The following MTAP variants were observed in gnomAD, a reference collection of about 807,000 sequenced individuals.
MTAP encodes the protein S-methyl-5'-thioadenosine phosphorylase.
MTAP carries 33 observed loss-of-function variants against 33.6 expected under a neutral mutation model. The observed-to-expected ratio is 0.98, with a 90% CI of 0.74 to 1.31. The LOEUF (loss-of-function observed/expected upper bound fraction) is 1.31, where lower values mean the gene tolerates loss of function less well. MTAP is among the 40% of genes most tolerant of loss of function. The probability of loss-of-function intolerance (pLI) is 0.00; values close to 1 mark genes in which losing one functional copy is unlikely to be tolerated. For synonymous variants in MTAP, 148 were observed against 125.7 expected, an observed-to-expected ratio of 1.18 and a Z score of -1.19; for missense variants, 367 against 360.0, an observed-to-expected ratio of 1.02 and a Z score of -0.16.
chr9:21,899,004 C>G (rs901428933), intron 1 of MTAP, among the ~76,000 whole-genome samples: 1 of 151,920 alleles, frequency 6.6e-6, no homozygotes, highest in Non-Finnish European at 1.5e-5. Context: ...CAACAATAGA[C>G]CTGATAAAGA....
At position 21,877,504 on chromosome 9, in the gene MTAP, C is replaced by T. The variant is rs7027527; in HGVS notation, c.147+22634C>T. Among the ~76,000 whole-genome samples the T allele has an allele frequency of 3.7e-3, 563 of 152,078 alleles. 4 individuals carry two copies. The highest frequency in any genetic ancestry group is 0.013 in the African/African-American group (536 of 41,492). ...ATATTGGCTTTGGATTTGTCATAGA[C>T]GGCTCTTATTATTTTGAGGTATGTT... On this transcript the variant is annotated intron_variant, in intron 1 of 1. Transcript: ENST00000577563.
intron 1 of MTAP, among the ~76,000 whole-genome samples, chr9:21,923,082 G>A (rs890791056): frequency 6.6e-6 from 1 of 152,162 alleles, no homozygotes; most frequent in South Asian, 2.1e-4. Flanking sequence ...TGTATGCCAC[G>A]CAACTTCCTT....
rs554465094 is a variant in MTAP at position 21,882,027 on chromosome 9, AAAT to A, written c.147+27159_147+27161del. ...TTACATGCAAATGTAGTATAAAACA[AAAT>A]ATTATTCAACCTTAAGAAGTATTTC... On this transcript the variant is annotated intron_variant, in intron 1 of 1. Coordinates refer to the MTAP transcript ENST00000577563. 3.7e-3 allele frequency among the ~76,000 whole-genome samples: 563 copies of A among 152,140 alleles called. 2 individuals carry two copies. The highest frequency in any genetic ancestry group is 0.013 in the African/African-American group (549 of 41,548).
intron 1 of MTAP, among the ~76,000 whole-genome samples, chr9:21,881,759 C>G (rs757039021): frequency 8.6e-5 from 13 of 151,814 alleles, no homozygotes; most frequent in Admixed American, 2.6e-4. Flanking sequence ...AAATTGGAAC[C>G]CTTCCACACT....
chr9:21,884,281 C>A (rs886104590), intron 1 of MTAP, among the ~76,000 whole-genome samples: 2 of 152,068 alleles, frequency 1.3e-5, no homozygotes, highest in African/African-American at 4.8e-5. Flanking sequence ...CGGTCATAGA[C>A]GTTTTGTTTT....
chr9:21,912,050 C>G (rs969745938), intron 1 of MTAP, among the ~76,000 whole-genome samples: 2 of 151,994 alleles, frequency 1.3e-5, no homozygotes, highest in African/African-American at 2.4e-5. Flanking sequence ...ATAAATTCCT[C>G]GACACATACA....
intron 4 of MTAP, among the ~76,000 whole-genome samples, chr9:21,834,021 G>A (rs750813221): frequency 1.9e-4 from 29 of 151,718 alleles, no homozygotes; most frequent in Non-Finnish European, 3.5e-4. Context: ...TTGTCTACTA[G>A]CTTTTCTTAT....
chr9:21,860,536 A>G (rs967570804), intron 7 of MTAP: 2 of 152,222 alleles, frequency 1.3e-5, no homozygotes, highest in Non-Finnish European at 2.9e-5. Context: ...TAATGAATAA[A>G]TGATACTCCT....
In MTAP at chr9:21,803,014, A is replaced by G; in HGVS notation, c.33+233A>G. The G allele has an allele frequency of 3.7e-6, 4 of 1,089,252 alleles. No individual in the cohort carries two copies. In the East Asian group the frequency reaches 1.2e-4, roughly 33 times the overall value. The allele number at this position is 1,089,252 out of a possible 1,614,324, so 67.5% of individuals were successfully genotyped here. On this transcript the variant is annotated intron_variant, in intron 1 of 7. Coordinates refer to ENST00000644715, the MANE Select transcript of MTAP (RefSeq NM_002451.4). ...CACACACACACACACACACACACAC[A>G]CACACACACACACACACACACACCA...
downstream of MTAP, among the ~76,000 whole-genome samples, chr9:21,937,999 G>A (rs1019483415): frequency 6.6e-6 from 1 of 152,074 alleles, no homozygotes; most frequent in African/African-American, 2.4e-5. Context: ...GCAGCCCAGC[G>A]TGGTGGCTCA....
intron 4 of MTAP, among the ~76,000 whole-genome samples, chr9:21,833,210 C>A (rs1379977761): frequency 6.6e-6 from 1 of 151,928 alleles, no homozygotes; most frequent in Non-Finnish European, 1.5e-5. Flanking sequence ...TTTTTTGAGA[C>A]AAGATCTCAC....
intron 1 of MTAP, among the ~76,000 whole-genome samples, chr9:21,882,647 G>A (rs1250422860): frequency 6.6e-6 from 1 of 151,862 alleles, no homozygotes; most frequent in Non-Finnish European, 1.5e-5. Context: ...TTAAGTAAAC[G>A]TTTTATATGC....
intron 1 of MTAP, chr9:21,813,678 T>C (rs1824407209): frequency 6.6e-6 from 1 of 152,172 alleles, no homozygotes; most frequent in Non-Finnish European, 1.5e-5. Context: ...CAGGCCAAAG[T>C]GGTGATAAGT....
At chr9:21,829,429 T>C (rs1824911670) in intron 4 of MTAP, among the ~76,000 whole-genome samples, 1 of 143,204 alleles carries the variant, frequency 7.0e-6, no homozygotes, top group African/African-American at 2.6e-5. Context: ...TTTTTTTTTT[T>C]GTTTGTTTGT....
At chr9:21,816,610 T>C in intron 2 of MTAP, 104 bp from the exon 3 acceptor site, 1 of 935,470 alleles carries the variant, frequency 1.1e-6, no homozygotes, top group Non-Finnish European at 1.6e-6. Context: ...AGTTGTATCC[T>C]CAGACTCTTC....
intron 6 of MTAP, among the ~76,000 whole-genome samples, chr9:21,858,050 T>C (rs1825676413): frequency 6.6e-6 from 1 of 152,236 alleles, no homozygotes; most frequent in Admixed American, 6.5e-5. Flanking sequence ...TTTGGGATTT[T>C]GTTTGGTTCG....
intron 5 of MTAP, among the ~76,000 whole-genome samples, chr9:21,844,813 T>A (rs927215833): frequency 6.6e-6 from 1 of 152,032 alleles, no homozygotes; most frequent in African/African-American, 2.4e-5. Context: ...GGCGGGCGGA[T>A]CACAAGGTCA....
At chr9:21,940,564 A>T (rs1332968686), downstream of MTAP, among the ~76,000 whole-genome samples, 5 of 152,174 alleles carry the variant, frequency 3.3e-5, no homozygotes. Context: ...ACTTCTACCG[A>T]GCTGACTACA....
intron 4 of MTAP, among the ~76,000 whole-genome samples, chr9:21,832,615 C>T (rs1314662821): frequency 6.6e-6 from 1 of 152,200 alleles, no homozygotes; most frequent in Non-Finnish European, 1.5e-5. Context: ...ATCCTCTTGT[C>T]TGTAGCTGTC....
Sources: allele counts gnomAD v4.1 joint callset (sites outside exome capture counted in the v4.1 genomes callset), GRCh38; gene constraint gnomAD v4.1.1; transcripts MANE v1.5; gene names NCBI Gene and HGNC (gene_info 2026-07-23, HGNC 2026-07-21).